GRK5: variants seen among roughly 807,000 people sequenced by gnomAD.
GRK5 encodes g protein-coupled receptor kinase GRK5.
A neutral mutation model predicts 78.4 loss-of-function variants in GRK5; 40 were observed. That is an observed-to-expected ratio of 0.51 (90% CI 0.40 to 0.66). The LOEUF (loss-of-function observed/expected upper bound fraction) is 0.66. Among genes scored for constraint, GRK5 ranks in the 30% least tolerant of loss-of-function variants. GRK5 has a pLI of 0.00. For missense variants in GRK5, 598 were observed against 759.9 expected (o/e 0.79, Z 2.50); for synonymous variants, 289 against 296.8 (o/e 0.97, Z 0.27).
chr10:119,446,368 C>G (rs1261880116), intron 12 of GRK5, among the ~76,000 whole-genome samples: 1 of 152,178 alleles, frequency 6.6e-6, no homozygotes, highest in Non-Finnish European at 1.5e-5. Flanking sequence ...CATGTAATAA[C>G]CTGGATTTTC....
chr10:119,343,042 G>C (rs1313724709), intron 2 of GRK5, among the ~76,000 whole-genome samples: 1 of 152,234 alleles, frequency 6.6e-6, no homozygotes, highest in Non-Finnish European at 1.5e-5. Context: ...GGGTCCCAGT[G>C]TGGGGCTGGG....
intron 1 of GRK5, among the ~76,000 whole-genome samples, chr10:119,249,286 G>GAAAAAA (rs1483814931): frequency 1.9e-4 from 28 of 150,678 alleles, no homozygotes; most frequent in East Asian, 5.9e-4. Flanking sequence ...AACAAAAAAC[G>GAAAAAA]AAAAACAAAA....
intron 1 of GRK5, among the ~76,000 whole-genome samples, chr10:119,294,995 C>A (rs1320306979): frequency 1.3e-5 from 2 of 151,960 alleles, no homozygotes; most frequent in Admixed American, 6.6e-5. Context: ...TCGAGACCAT[C>A]CTGGCTAACA....
chr10:119,272,618 T>A (rs10886436), intron 1 of GRK5, among the ~76,000 whole-genome samples: 1 of 148,442 alleles, frequency 6.7e-6, no homozygotes, highest in Non-Finnish European at 1.5e-5. Flanking sequence ...AACAAGAAAC[T>A]GAGTGGATGA....
At chr10:119,340,866 T>C (rs1215045198) in intron 2 of GRK5, among the ~76,000 whole-genome samples, 1 of 152,178 alleles carries the variant, frequency 6.6e-6, no homozygotes, top group African/African-American at 2.4e-5. Flanking sequence ...CTGTGCAAAT[T>C]GCTGGCCAGT....
chr10:119,280,062 G>GT (rs1219145268), intron 1 of GRK5, among the ~76,000 whole-genome samples: 1 of 152,140 alleles, frequency 6.6e-6, no homozygotes, highest in Non-Finnish European at 1.5e-5. Context: ...GAGAACTGTG[G>GT]TATTGGGGCT....
chr10:119,301,939 T>C (rs985314068), intron 1 of GRK5, among the ~76,000 whole-genome samples: 2 of 152,234 alleles, frequency 1.3e-5, no homozygotes, highest in African/African-American at 2.4e-5. Flanking sequence ...TAATGAAATC[T>C]TTCTGCTTTT....
At chr10:119,208,041 G>C (rs1331920079) in intron 1 of GRK5, 72 bp downstream of exon 1, 25 of 1,452,324 alleles carry the variant, frequency 1.7e-5, no homozygotes, top group Non-Finnish European at 2.4e-5. Context: ...GTGGCGTGCG[G>C]GCTGGGGCTG....
At chr10:119,346,727 C>G (rs1369003621) in intron 2 of GRK5, among the ~76,000 whole-genome samples, 1 of 152,132 alleles carries the variant, frequency 6.6e-6, no homozygotes, top group Non-Finnish European at 1.5e-5. Context: ...GAAGACCATA[C>G]AGGGACTGGA....
intron 4 of GRK5, among the ~76,000 whole-genome samples, chr10:119,409,931 A>G (rs1226089237): frequency 6.6e-6 from 1 of 151,866 alleles, no homozygotes; most frequent in Non-Finnish European, 1.5e-5. Context: ...TCCATGTGTC[A>G]GTGACCTGCA....
At chr10:119,322,396 T>C (rs1421068296) in intron 1 of GRK5, among the ~76,000 whole-genome samples, 1 of 152,172 alleles carries the variant, frequency 6.6e-6, no homozygotes, top group Admixed American at 6.5e-5. Context: ...TAAAAATGTC[T>C]CCAGACATTG....
chr10:119,304,621 C>T (rs1850242119), intron 1 of GRK5, among the ~76,000 whole-genome samples: 1 of 152,204 alleles, frequency 6.6e-6, no homozygotes, highest in Non-Finnish European at 1.5e-5. Context: ...ACCTAGCGAG[C>T]AGCTGAGCTC....
intron 1 of GRK5, among the ~76,000 whole-genome samples, chr10:119,286,940 A>G (rs989032581): frequency 2.6e-5 from 4 of 152,172 alleles, no homozygotes; most frequent in Non-Finnish European, 5.9e-5. Flanking sequence ...GATGAAATGT[A>G]AGGTCCAGGA....
intron 3 of GRK5, among the ~76,000 whole-genome samples, chr10:119,391,410 G>C (rs972123931): frequency 6.6e-6 from 1 of 152,250 alleles, no homozygotes; most frequent in Non-Finnish European, 1.5e-5. Context: ...GCATCAGCCA[G>C]GTCCTGGCAG....
intron 1 of GRK5, among the ~76,000 whole-genome samples, chr10:119,289,646 T>G (rs1454215959): frequency 6.6e-6 from 1 of 152,210 alleles, no homozygotes; most frequent in Non-Finnish European, 1.5e-5. Context: ...AAACATGGCT[T>G]CTTGCCTCCT....
At chr10:119,334,644 G>T (rs1278953972) in intron 2 of GRK5, 1 of 152,190 alleles carries the variant, frequency 6.6e-6, no homozygotes, top group Non-Finnish European at 1.5e-5. Context: ...TTGGGCAAAA[G>T]TGTGGCATTT....
chr10:119,399,544 A>C (rs557219044), intron 4 of GRK5, among the ~76,000 whole-genome samples: 1 of 152,274 alleles, frequency 6.6e-6, no homozygotes, highest in Non-Finnish European at 1.5e-5. Context: ...CAAAAGGTAG[A>C]CCATAGGAGA....
chr10:119,280,443 C>T lies in GRK5; in HGVS notation c.53-46073C>T, dbSNP rs568890091. Among the ~76,000 whole-genome samples, 18 of 152,354 alleles carry T rather than the reference C, an allele frequency of 1.2e-4. No individual in the cohort carries two copies. In the East Asian group the frequency reaches 3.5e-3, roughly 29 times the overall value. ...GCCAGCAAGGCCAGCGCCCACCCAT[C>T]CATCCCTCTGCCATCCTCCATAGGT... is the stretch of plus-strand genomic sequence containing the variant. On this transcript the variant is annotated intron_variant, in intron 1 of 15. Transcript: ENST00000392870.
rs540888244 is a variant in GRK5 at position 119,295,962 on chromosome 10, A to T, written c.53-30554A>T. ...AAAAATATTTTAAAAATAATAATAA[A>T]AAAAGAAAACCCATCAGGATGATTT... On this transcript the variant is annotated intron_variant, in intron 1 of 15. Coordinates refer to ENST00000392870, the MANE Select transcript of GRK5 (RefSeq NM_005308.3). Among the ~76,000 whole-genome samples, 13 of 152,348 alleles carry T rather than the reference A, an allele frequency of 8.5e-5. No individual in the cohort carries two copies. The South Asian group carries it at 2.7e-3, about 32-fold the overall frequency.
Sources: allele counts gnomAD v4.1 joint callset (sites outside exome capture counted in the v4.1 genomes callset), GRCh38; gene constraint gnomAD v4.1.1; transcripts MANE v1.5; gene names NCBI Gene and HGNC (gene_info 2026-07-23, HGNC 2026-07-21).